The following CACNA1H variants were observed in gnomAD, a reference collection of about 807,000 sequenced individuals.
CACNA1H encodes voltage-dependent T-type calcium channel subunit alpha-1H.
CACNA1H carries 149 observed loss-of-function variants against 192.5 expected under a neutral mutation model. The ratio of observed to expected loss-of-function variants is 0.77; its 90% CI spans 0.68 to 0.89. CACNA1H has a LOEUF of 0.89. Ranked by LOEUF, CACNA1H falls within the 40% of genes least tolerant of loss-of-function variation. CACNA1H has a pLI of 0.00. For missense variants in CACNA1H, 4,257 were observed against 3,423.5 expected (o/e 1.24, Z -6.08); for synonymous variants, 2,202 against 1,475.2 (o/e 1.49, Z -11.29).
chr16:1,187,066 A>G (rs760258611), intron 2 of CACNA1H, among the ~76,000 whole-genome samples: 1 of 152,254 alleles, frequency 6.6e-6, no homozygotes, highest in Non-Finnish European at 1.5e-5. Context: ...GGAGTCCCTC[A>G]GAGCCCGCGA....
rs58216775 is a variant in CACNA1H, at chr16:1,212,544, C to T, written c.4777+16C>T. On this transcript the variant is annotated intron_variant, in intron 26 of 34. Coordinates refer to ENST00000348261, the MANE Select transcript of CACNA1H (RefSeq NM_021098.3). ...CCCAGCCCAGGTACCGGCCCTGTCC[C>T]GCATGCCTCAGGCCCCGCTTCTGCG... is the stretch of plus-strand genomic sequence containing the variant. The T allele has an allele frequency of 2.4e-3, 3,906 of 1,609,460 alleles. 7 individuals are homozygous for T. The highest frequency in any genetic ancestry group is 3.1e-3 in the Non-Finnish European group (3,598 of 1,178,576).
chr16:1,201,787 C>A lies in CACNA1H; in HGVS notation c.1337C>A (p.Thr446Lys). The A allele has an allele frequency of 6.3e-7, 1 of 1,599,114 alleles. No individual in the cohort carries two copies. The highest frequency in any genetic ancestry group is 8.5e-7 in the Non-Finnish European group (1 of 1,173,970). ...QRARHLSNDS[T>K]LASFSEPGSC... ...GCACGCCACCTGTCCAACGACAGCA[C>A]GCTGGCCAGCTTCTCCGAGCCTGGC... The change falls in exon 9 of 35, where the codon ACG becomes AAG. Residue 446 changes from threonine (T) to lysine (K), a missense_variant. Physicochemically the swap from Thr to Lys is moderately conservative, Grantham distance 78 (BLOSUM62 -1). Transcript: ENST00000348261.
intron 2 of CACNA1H, among the ~76,000 whole-genome samples, chr16:1,170,631 G>T (rs563770762): frequency 6.6e-6 from 1 of 152,138 alleles, no homozygotes; most frequent in Non-Finnish European, 1.5e-5. Context: ...GAGCCTGGTC[G>T]GCATCCTGAT....
rs200522574 is a variant in CACNA1H, at chr16:1,209,175, C to A, written c.3507C>A (p.Gly1169=). 1 of 1,552,972 alleles carries A rather than the reference C, an allele frequency of 6.4e-7. No individual in the cohort carries two copies. The highest frequency in any genetic ancestry group is 8.7e-7 in the Non-Finnish European group (1 of 1,149,340). ...QCGERESLLS[G]EGKGSTDDEA... ...GGGAACGTGAGTCCCTGCTGTCTGG[C>A]GAGGGCAAGGGCAGCACCGACGACG... The change falls in exon 17 of 35, where the codon GGC becomes GGA. Residue 1169 remains glycine, a synonymous_variant. Transcript: ENST00000348261.
At chr16:1,186,656 C>T (rs945541229) in intron 2 of CACNA1H, among the ~76,000 whole-genome samples, 1 of 152,184 alleles carries the variant, frequency 6.6e-6, no homozygotes, top group Non-Finnish European at 1.5e-5. Context: ...ACTCGCTCCT[C>T]CTGCCCCGTG....
chr16:1,174,142 A>G (rs1964637209), intron 2 of CACNA1H, among the ~76,000 whole-genome samples: 1 of 152,014 alleles, frequency 6.6e-6, no homozygotes, highest in Non-Finnish European at 1.5e-5. Context: ...GGCCCCTCAG[A>G]TGAGGGGACT....
At chr16:1,168,624 C>T (rs1964044185) in intron 2 of CACNA1H, among the ~76,000 whole-genome samples, 1 of 152,014 alleles carries the variant, frequency 6.6e-6, no homozygotes, top group South Asian at 2.1e-4. Context: ...TCCTCAGTGT[C>T]CCCCGAGCCC....
intron 2 of CACNA1H, among the ~76,000 whole-genome samples, chr16:1,169,066 G>T (rs958427956): frequency 7.9e-5 from 12 of 151,896 alleles, no homozygotes; most frequent in Non-Finnish European, 1.8e-4. Context: ...CTTGGCAACA[G>T]GAGATGGAGG....
intron 2 of CACNA1H, among the ~76,000 whole-genome samples, chr16:1,193,024 G>T (rs953876092): frequency 6.6e-6 from 1 of 152,126 alleles, no homozygotes; most frequent in Non-Finnish European, 1.5e-5. Flanking sequence ...CCAGGGAGAG[G>T]CAGTGCCACC....
chr16:1,193,417 G>C (rs1255230490), intron 2 of CACNA1H, among the ~76,000 whole-genome samples: 1 of 152,232 alleles, frequency 6.6e-6, no homozygotes, highest in Non-Finnish European at 1.5e-5. Flanking sequence ...CCACCACCTT[G>C]ACCAAGGCAC....
intron 4 of CACNA1H, 52 bp downstream of exon 4, chr16:1,195,617 C>A (rs1333641966): frequency 6.4e-7 from 1 of 1,552,902 alleles, no homozygotes; most frequent in African/African-American, 1.4e-5. Flanking sequence ...CCCCGCCCAC[C>A]CCACAGGGAT....
chr16:1,198,510 CCACT>C (rs1967270474), intron 5 of CACNA1H, 101 bp from the exon 6 acceptor site: 2 of 1,260,530 alleles, frequency 1.6e-6, no homozygotes, highest in Admixed American at 1.8e-5. Context: ...GCGTGGACAC[CCACT>C]GTGAACAGTG....
chr16:1,204,237 C>T lies in CACNA1H; in HGVS notation c.2230C>T (p.Arg744Ter), dbSNP rs1437449624. Residue 744 changes from arginine to a stop codon, truncating the protein, a stop_gained, in exon 10 of 35, where the codon CGA becomes TGA. Coordinates refer to ENST00000348261, the MANE Select transcript of CACNA1H (RefSeq NM_021098.3). LOFTEE classifies it high-confidence loss of function. ...VRHGDRWDPT[R>*]PPRATDTPGP... is the part of the protein sequence containing the mutation. ...GCACGGTGACCGCTGGGACCCCACGCGACCACCCCGTGCGACGGACACACC... is the reference window on the plus strand; with the variant it reads ...GCACGGTGACCGCTGGGACCCCACGTGACCACCCCGTGCGACGGACACACC... The T allele has an allele frequency of 4.3e-6, 7 of 1,610,878 alleles. No homozygotes were observed. The highest frequency in any genetic ancestry group is 5.9e-6 in the Non-Finnish European group (7 of 1,179,068).
chr16:1,173,987 G>A (rs566783583), intron 2 of CACNA1H, among the ~76,000 whole-genome samples: 1 of 152,052 alleles, frequency 6.6e-6, no homozygotes, highest in African/African-American at 2.4e-5. Flanking sequence ...GGGGCTGTGG[G>A]CATTGACCTG....
At position 1,207,083 on chromosome 16, in the gene CACNA1H, G is replaced by A. The variant is rs747691408; in HGVS notation, c.2872G>A (p.Asp958Asn). ...GDTVPDRKNF[D>N]SLLWAIVTVF... ...CACCGTGCCTGACAGGAAGAACTTC[G>A]ACTCCCTGCTGTGGGCCATCGTCAC... The change falls in exon 13 of 35, where the codon GAC becomes AAC. Residue 958 changes from aspartate to asparagine, a missense_variant. Coordinates refer to ENST00000348261, the MANE Select transcript of CACNA1H (RefSeq NM_021098.3). 19 of 1,600,616 alleles carry A rather than the reference G, an allele frequency of 1.2e-5. No individual in the cohort carries two copies. In the East Asian group the frequency reaches 1.4e-4, roughly 11 times the overall value.
At chr16:1,172,733 G>A (rs1964493265) in intron 2 of CACNA1H, among the ~76,000 whole-genome samples, 1 of 152,154 alleles carries the variant, frequency 6.6e-6, no homozygotes, top group Admixed American at 6.5e-5. Flanking sequence ...GTGAGCTGGG[G>A]CACCCTTCTC....
intron 12 of CACNA1H, 140 bp downstream of exon 12, chr16:1,206,429 G>A: frequency 1.3e-6 from 1 of 745,384 alleles, no homozygotes; most frequent in Non-Finnish European, 2.2e-6. Context: ...GGCCTCTGCT[G>A]CCTTCATTTG....
At chr16:1,192,298 A>T (rs897377814) in intron 2 of CACNA1H, among the ~76,000 whole-genome samples, 1 of 152,118 alleles carries the variant, frequency 6.6e-6, no homozygotes, top group African/African-American at 2.4e-5. Flanking sequence ...GGGGACCCCT[A>T]GTCAGCTGTC....
chr16:1,187,403 C>G (rs1186455925), intron 2 of CACNA1H, among the ~76,000 whole-genome samples: 1 of 152,218 alleles, frequency 6.6e-6, no homozygotes, highest in Admixed American at 6.5e-5. Context: ...GCATGGGGTC[C>G]TGAGTGGGGG....
Sources: gnomAD v4.1 joint callset for allele counts (sites outside exome capture counted in the v4.1 genomes callset) on GRCh38, gnomAD v4.1.1 for gene constraint, MANE v1.5 for transcripts, NCBI Gene and HGNC (gene_info 2026-07-23, HGNC 2026-07-21) for gene names.